The following NCAM1 variants were observed in gnomAD, a reference collection of about 807,000 sequenced individuals.
The protein encoded by NCAM1 is antigen recognized by monoclonal antibody 5.1H11.
Under a neutral mutation model 109.8 loss-of-function variants are expected in NCAM1, and 14 were observed. The ratio of observed to expected loss-of-function variants is 0.13; its 90% CI spans 0.08 to 0.20. The LOEUF (loss-of-function observed/expected upper bound fraction) is 0.20, where lower values mean the gene tolerates loss of function less well. NCAM1 is among the 10% of genes least tolerant of loss of function. The pLI is 1.00. For missense variants in NCAM1, 774 were observed against 1,109.9 expected (o/e 0.70, Z 4.30); for synonymous variants, 418 against 442.9 (o/e 0.94, Z 0.70).
rs367641297 is a variant in NCAM1, at chr11:113,270,333, G to C, written c.2277G>C (p.Leu759=). 1.2e-6 allele frequency: 2 copies of C among 1,614,018 alleles called. No homozygotes were observed. Among genetic ancestry groups the C allele is most frequent in the Non-Finnish European group, 1.7e-6 (2 of 1,179,902 alleles). ...TGTTCATGTGCATTGCGGTCAACCT[G>C]TGTGGAAAAGCCGGGCCCGGGGCCA... The part of the protein sequence containing the change: ...CGLFMCIAVN[L]CGKAGPGAKG... Residue 759 remains leucine, a synonymous_variant, in exon 18 of 20, where the codon CTG becomes CTC. Transcript: ENST00000316851.
intron 14 of NCAM1, among the ~76,000 whole-genome samples, chr11:113,244,906 C>T (rs1377731448): frequency 1.3e-5 from 2 of 152,066 alleles, no homozygotes; most frequent in Non-Finnish European, 1.5e-5. Flanking sequence ...TTTTAACCAG[C>T]GGTGTTCTTT....
At chr11:113,106,841 A>G (rs1041417810) in intron 1 of NCAM1, among the ~76,000 whole-genome samples, 7 of 152,192 alleles carry the variant, frequency 4.6e-5, no homozygotes, top group Non-Finnish European at 1.5e-5. Context: ...ATCTGTTTCT[A>G]AAAAAGCCCA....
intron 1 of NCAM1, among the ~76,000 whole-genome samples, chr11:113,131,652 C>T (rs1217004754): frequency 6.6e-6 from 1 of 152,190 alleles, no homozygotes; most frequent in Non-Finnish European, 1.5e-5. Flanking sequence ...CTGGGTGAGG[C>T]AGGCTGTGCT....
intron 1 of NCAM1, among the ~76,000 whole-genome samples, chr11:113,076,755 C>T (rs1938544440): frequency 6.6e-6 from 1 of 152,172 alleles, no homozygotes; most frequent in African/African-American, 2.4e-5. Flanking sequence ...AAGGATTGTG[C>T]TCAGCTGAAT....
At chr11:113,170,167 C>G (rs118167222) in intron 1 of NCAM1, among the ~76,000 whole-genome samples, 1,634 of 152,260 alleles carry the variant, frequency 0.011, 25 homozygotes, top group Non-Finnish European at 0.016. Context: ...CTAGGATTGT[C>G]CTTTCATGGA....
rs1555082599 is a variant in NCAM1, at chr11:113,056,472, G to A, written c.52+94808G>A. On this transcript the variant is annotated intron_variant, in intron 1 of 19. Transcript: ENST00000316851. ...TACCTTGATTTGATCATTACACATT[G>A]TATTCAGCCATCACATGTACCCCTA... Among the ~76,000 whole-genome samples, 5 of 152,136 alleles carry A rather than the reference G, an allele frequency of 3.3e-5. 1 individual carries two copies. The highest frequency in any genetic ancestry group is 4.1e-4 in the South Asian group (2 of 4,824).
At chr11:113,205,355 C>G (rs1591415832) in intron 3 of NCAM1, among the ~76,000 whole-genome samples, 168 bp from the exon 4 acceptor site, 1 of 152,312 alleles carries the variant, frequency 6.6e-6, no homozygotes, top group East Asian at 1.9e-4. Flanking sequence ...GTAACCTATG[C>G]TTGGGCCAGC....
chr11:113,207,909 A>C lies in NCAM1; in HGVS notation c.823A>C (p.Lys275Gln), dbSNP rs1555113147. ...CGACGATAGTTCCCAGCTGACCATC[A>C]AAAAGGTGGATAAGAACGACGAGGC... ...FSDDSSQLTI[K>Q]KVDKNDEAEY... is the part of the protein sequence containing the mutation. The change falls in exon 7 of 20, where the codon AAA becomes CAA. Residue 275 changes from lysine to glutamine, a missense_variant. This residue lies in a region of NCAM1 where 523 missense variants were observed against 784.2 expected (regional missense o/e 0.67). Coordinates refer to ENST00000316851, the MANE Select transcript of NCAM1 (RefSeq NM_181351.5). 1 of 1,612,616 alleles carries C rather than the reference A, an allele frequency of 6.2e-7. No homozygotes were observed. Among genetic ancestry groups the C allele is most frequent in the Non-Finnish European group, 8.5e-7 (1 of 1,179,358 alleles).
chr11:113,260,692 T>C (rs1192173917), intron 17 of NCAM1, among the ~76,000 whole-genome samples: 3 of 152,172 alleles, frequency 2.0e-5, no homozygotes, highest in Admixed American at 2.0e-4. Context: ...ACATCATACT[T>C]GGACCACATA....
intron 1 of NCAM1, among the ~76,000 whole-genome samples, chr11:113,069,811 C>T (rs868972604): frequency 1.3e-5 from 2 of 152,070 alleles, no homozygotes; most frequent in South Asian, 2.1e-4. Flanking sequence ...GAAAGGACAT[C>T]GAGGATGACT....
chr11:113,161,399 C>T (rs1458533349), intron 1 of NCAM1, among the ~76,000 whole-genome samples: 1 of 151,956 alleles, frequency 6.6e-6, no homozygotes, highest in Non-Finnish European at 1.5e-5. Flanking sequence ...ATTGCCAAAC[C>T]CTGTGCCCCC....
In NCAM1 at chr11:113,204,375, T is replaced by C; in HGVS notation, c.217T>C (p.Trp73Arg). Reference sequence around the variant, plus strand: ...AAACCAGCAGCGGATCTCAGTGGTGTGGAATGATGATTCCTCCTCCACCCT... The same window carrying C: ...AAACCAGCAGCGGATCTCAGTGGTGCGGAATGATGATTCCTCCTCCACCCT... ...TPNQQRISVV[W>R]NDDSSSTLTI... The change falls in exon 3 of 20, where the codon TGG becomes CGG. Residue 73 changes from tryptophan to arginine, a missense_variant. Around this residue, in one of 4 missense-constraint regions of NCAM1, gnomAD observed 112 missense variants for 142.0 expected, o/e 0.79. Transcript: ENST00000316851. 6.2e-7 allele frequency: 1 copy of C among 1,614,016 alleles called. No homozygotes were observed. The highest frequency in any genetic ancestry group is 8.5e-7 in the Non-Finnish European group (1 of 1,179,888).
intron 1 of NCAM1, among the ~76,000 whole-genome samples, chr11:113,115,172 G>T (rs1015999971): frequency 2.0e-5 from 3 of 152,070 alleles, no homozygotes; most frequent in Admixed American, 2.0e-4. Context: ...TTTACACATT[G>T]CCCCACCAAC....
intron 1 of NCAM1, among the ~76,000 whole-genome samples, chr11:112,973,949 A>G (rs1591202941): frequency 6.6e-6 from 1 of 152,238 alleles, no homozygotes; most frequent in Middle Eastern, 3.4e-3. Context: ...GTAATAGTTA[A>G]AAAATTAAAA....
intron 1 of NCAM1, among the ~76,000 whole-genome samples, chr11:113,076,026 T>G (rs1296893039): frequency 1.1e-4 from 17 of 152,172 alleles, no homozygotes; most frequent in Admixed American, 1.1e-3. Context: ...CATCAATGTC[T>G]TCACCATTGG....
chr11:113,242,425 G>A (rs1396102787), intron 14 of NCAM1, among the ~76,000 whole-genome samples: 1 of 152,096 alleles, frequency 6.6e-6, no homozygotes, highest in Non-Finnish European at 1.5e-5. Context: ...TTCAAGACCG[G>A]TCTGGGCAAC....
intron 16 of NCAM1, among the ~76,000 whole-genome samples, chr11:113,256,852 G>A (rs1326614643): frequency 6.6e-6 from 1 of 152,160 alleles, no homozygotes; most frequent in Non-Finnish European, 1.5e-5. Flanking sequence ...CTCTTGCTGG[G>A]GTTTCGTAGT....
intron 1 of NCAM1, among the ~76,000 whole-genome samples, chr11:113,182,695 TG>T (rs1406522208): frequency 1.3e-5 from 2 of 152,188 alleles, no homozygotes; most frequent in Non-Finnish European, 2.9e-5. Context: ...TGCTGTGTTC[TG>T]GGTGGACTGT....
In NCAM1 at chr11:113,221,154, C is replaced by T. The variant is rs563817023; in HGVS notation, c.1060-142C>T. 7.9e-5 allele frequency: 58 copies of T among 738,576 alleles called. 1 individual carries two copies. In the South Asian group the frequency reaches 9.1e-4, roughly 12 times the overall value. The allele number at this position is 738,576 out of a possible 1,614,324, so 45.8% of individuals were successfully genotyped here. Reference sequence around the variant, plus strand: ...TAAATTAAATTGTGTAATAAACACACCATTGAAAGTGGGCCTTGGAAAAAG... The same window carrying T: ...TAAATTAAATTGTGTAATAAACACATCATTGAAAGTGGGCCTTGGAAAAAG... On this transcript the variant is annotated intron_variant, in intron 8 of 19. Coordinates refer to ENST00000316851, the MANE Select transcript of NCAM1 (RefSeq NM_181351.5).
Sources: allele counts gnomAD v4.1 joint callset (sites outside exome capture counted in the v4.1 genomes callset), GRCh38; gene constraint gnomAD v4.1.1; regional missense constraint gnomAD v4.1.1; transcripts MANE v1.5; gene names NCBI Gene and HGNC (gene_info 2026-07-23, HGNC 2026-07-21).